The following APOC4 variants were observed in gnomAD, a reference collection of about 807,000 sequenced individuals.
APOC4 encodes apolipoprotein C4.
In APOC4, 10 loss-of-function variants were observed where a neutral mutation model predicts 8.4. The ratio of observed to expected loss-of-function variants is 1.19; its 90% CI spans 0.74 to 2.03. APOC4 has a LOEUF of 2.03. APOC4 is among the 30% of genes most tolerant of loss of function. The probability of loss-of-function intolerance (pLI) is 0.00; values close to 1 mark genes in which losing one functional copy is unlikely to be tolerated. For missense variants in APOC4, 160 were observed against 156.1 expected, an observed-to-expected ratio of 1.02 and a Z score of -0.13; for synonymous variants, 59 against 65.8, an observed-to-expected ratio of 0.90 and a Z score of 0.50.
chr19:44,944,930 G>T, intron 2 of APOC4, 40 bp downstream of exon 2: 1 of 1,575,410 alleles, frequency 6.3e-7, no homozygotes, highest in South Asian at 1.1e-5. Context: ...GGGGACTCCT[G>T]GGTCTGAGGG....
At position 44,944,812 on chromosome 19, in the gene APOC4, G is replaced by A; in HGVS notation, c.140G>A (p.Trp47Ter). 4.3e-6 allele frequency: 7 copies of A among 1,610,628 alleles called. No homozygotes were observed. The South Asian group carries it at 5.5e-5, about 13-fold the overall frequency. ...SPPPKLKMSR[W>*]SLVRGRMKEL... ...CCACCAAAGCTAAAGATGAGTCGCT[G>A]GAGCCTGGTGAGGGGCAGGATGAAG... Residue 47 changes from tryptophan (W) to a stop codon, truncating the protein, a stop_gained, in exon 2 of 3, where the codon TGG becomes TAG. Coordinates refer to ENST00000592954, the MANE Select transcript of APOC4 (RefSeq NM_001646.3). LOFTEE classifies it high-confidence loss of function.
At chr19:44,944,692 G>C in intron 1 of APOC4, 57 bp from the exon 2 acceptor site, 4 of 1,550,260 alleles carry the variant, frequency 2.6e-6, no homozygotes, top group Non-Finnish European at 3.5e-6. Flanking sequence ...TGGAGGGAAA[G>C]GGAGAAGGGG....
chr19:44,945,400 C>A lies in APOC4; in HGVS notation c.*95C>A. ...GGATGATGGCTTGAGCCCAGGAGTT[C>A]GAGACCAGCCTGGGCAACACAGCGA... On this transcript the variant is annotated 3_prime_UTR_variant, in exon 3 of 3. Coordinates refer to ENST00000592954, the MANE Select transcript of APOC4 (RefSeq NM_001646.3). The A allele has an allele frequency of 7.7e-7, 1 of 1,293,090 alleles. No individual in the cohort carries two copies. Among genetic ancestry groups the A allele is most frequent in the Non-Finnish European group, 1.1e-6 (1 of 942,570 alleles). The allele number at this position is 1,293,090 out of a possible 1,614,324, so 80.1% of individuals were successfully genotyped here.
Position 44,945,247 on chromosome 19 carries a change from TGAA to T in APOC4, c.332_334del (p.Lys111del), listed in dbSNP as rs1234971714. ...TTCCTCGAATCCAAAGACAGCCTCT[TGAA>T]GAAGACCCACAGCCTGTGCCCCAGG... On this transcript the variant is annotated inframe_deletion, in exon 3 of 3. Transcript: ENST00000592954. 5.6e-6 allele frequency: 9 copies of T among 1,613,978 alleles called. No homozygotes were observed. In the East Asian group the frequency reaches 1.6e-4, roughly 28 times the overall value.
rs200020330 is a variant in APOC4, at chr19:44,942,367, G to C, written c.76+14G>C. On this transcript the variant is annotated intron_variant, in intron 1 of 2. Coordinates refer to ENST00000592954, the MANE Select transcript of APOC4 (RefSeq NM_001646.3). ...CCTGCATTGGGGGTGAGAAGAAGTG[G>C]GTGGAGGGATGTGGGGCCCACACCT... 2 of 1,612,658 alleles carry C rather than the reference G, an allele frequency of 1.2e-6. No homozygotes were observed. Among genetic ancestry groups the C allele is most frequent in the South Asian group, 2.2e-5 (2 of 90,780 alleles).
At chr19:44,943,829 A>G (rs1368457915) in intron 1 of APOC4, among the ~76,000 whole-genome samples, 1 of 152,200 alleles carries the variant, frequency 6.6e-6, no homozygotes, top group Non-Finnish European at 1.5e-5. Context: ...CCTGAGGTAG[A>G]TATTATTACC....
Position 44,945,181 on chromosome 19 carries a change from A to C in APOC4, c.260A>C (p.Asp87Ala). ...CGGGGCTTCATGCAGACCTACTATGACGACCACCTGAGGGACCTGGGTCCG... is the reference window on the plus strand; with the variant it reads ...CGGGGCTTCATGCAGACCTACTATGCCGACCACCTGAGGGACCTGGGTCCG... ...TFRGFMQTYY[D>A]DHLRDLGPLT... The change falls in exon 3 of 3, where the codon GAC (aspartate) becomes GCC (alanine). Residue 87 changes from aspartate to alanine, a missense_variant. Transcript: ENST00000592954. The C allele has an allele frequency of 6.2e-7, 1 of 1,614,030 alleles. No homozygotes were observed. Among genetic ancestry groups the C allele is most frequent in the Non-Finnish European group, 8.5e-7 (1 of 1,179,992 alleles).
Position 44,942,320 on chromosome 19 carries a change from T to A in APOC4, c.43T>A (p.Cys15Ser). ...CAGGCTCCAGGCCCTGCCTGCCCTG[T>A]GCCTCTGCGTGCTGGTCCTGGCCTG... ...RNRLQALPAL[C>S]LCVLVLACIG... The change falls in exon 1 of 3, where the codon TGC becomes AGC. Residue 15 changes from cysteine to serine, a missense_variant. Physicochemically the swap from Cys to Ser is moderately radical, Grantham distance 112 (BLOSUM62 -1). Coordinates refer to ENST00000592954, the MANE Select transcript of APOC4 (RefSeq NM_001646.3). 6.2e-7 allele frequency: 1 copy of A among 1,613,752 alleles called. No homozygotes were observed.
intron 1 of APOC4, 57 bp downstream of exon 1, chr19:44,942,410 CTG>C: frequency 6.4e-7 from 1 of 1,551,038 alleles, no homozygotes; most frequent in Non-Finnish European, 8.8e-7. Flanking sequence ...GTGAGTGTGG[CTG>C]TGTGTCCTGT....
At position 44,942,398 on chromosome 19, in the gene APOC4, G is replaced by T. The variant is rs768801196; in HGVS notation, c.76+45G>T. 35 of 1,593,396 alleles carry T rather than the reference G, an allele frequency of 2.2e-5. No individual in the cohort carries two copies. In the Admixed American group the frequency reaches 5.3e-4, roughly 24 times the overall value. ...GGGATGTGGGGCCCACACCTGGTGG[G>T]TGTGAGTGTGGCTGTGTGTCCTGTG... On this transcript the variant is annotated intron_variant, in intron 1 of 2. Transcript: ENST00000592954.
intron 1 of APOC4, 37 bp from the exon 2 acceptor site, chr19:44,944,712 T>C: frequency 6.3e-7 from 1 of 1,588,366 alleles, no homozygotes; most frequent in Admixed American, 1.8e-5. Flanking sequence ...GATTCTAGGG[T>C]CCCAGCCTAC....
At position 44,944,048 on chromosome 19, in the gene APOC4, G is replaced by T. The variant is rs12721107; in HGVS notation, c.77-701G>T. Among the ~76,000 whole-genome samples, 1,090 of 152,302 alleles carry T rather than the reference G, an allele frequency of 7.2e-3. 17 individuals are homozygous for T. The highest frequency in any genetic ancestry group is 0.024 in the African/African-American group (1,008 of 41,574). ...CCCTGGGGGCAGAAAGTCACCTCCT[G>T]CTCTCCCTCCACTGTCCACAGAGGT... On this transcript the variant is annotated intron_variant, in intron 1 of 2. Coordinates refer to ENST00000592954, the MANE Select transcript of APOC4 (RefSeq NM_001646.3).
chr19:44,945,028 A>G, intron 2 of APOC4, 112 bp from the exon 3 acceptor site: 2 of 1,526,200 alleles, frequency 1.3e-6, no homozygotes, highest in Non-Finnish European at 1.8e-6. Context: ...GGAGGAGTGG[A>G]GGGTTAGAGC....
At chr19:44,942,607 G>C (rs1021677327) in intron 1 of APOC4, among the ~76,000 whole-genome samples, 2 of 119,652 alleles carry the variant, frequency 1.7e-5, no homozygotes, top group Non-Finnish European at 4.0e-5. Context: ...TGCAGTCGTG[G>C]TAAAAAAGTG....
At chr19:44,943,834 A>G (rs149379127) in intron 1 of APOC4, among the ~76,000 whole-genome samples, 1 of 152,354 alleles carries the variant, frequency 6.6e-6, no homozygotes, top group Admixed American at 6.5e-5. Context: ...GGTAGATATT[A>G]TTACCCCGTT....
At position 44,944,905 on chromosome 19, in the gene APOC4, G is replaced by C. The variant is rs1359549613; in HGVS notation, c.218+15G>C. 6.3e-7 allele frequency: 1 copy of C among 1,596,132 alleles called. No individual in the cohort carries two copies. Among genetic ancestry groups the C allele is most frequent in the Non-Finnish European group, 8.5e-7 (1 of 1,171,490 alleles). ...CAATGGTTCTGGTGAGGGTGTGCTG[G>C]GCTGGGTGGTGGGAGGGGACTCCTG... On this transcript the variant is annotated intron_variant, in intron 2 of 2. Coordinates refer to ENST00000592954, the MANE Select transcript of APOC4 (RefSeq NM_001646.3).
chr19:44,945,087 G>T (rs1455190905), intron 2 of APOC4, 53 bp from the exon 3 acceptor site: 4 of 1,585,118 alleles, frequency 2.5e-6, no homozygotes, highest in Non-Finnish European at 2.6e-6. Flanking sequence ...AAATGGGGCA[G>T]AGAACACCTG....
In APOC4 at chr19:44,942,850, T is replaced by C. The variant is rs1970274912; in HGVS notation, c.76+497T>C. Among the ~76,000 whole-genome samples the C allele has an allele frequency of 2.6e-5, 4 of 151,076 alleles. No homozygotes were observed. The South Asian group carries it at 8.4e-4, about 32-fold the overall frequency. On this transcript the variant is annotated intron_variant, in intron 1 of 2. Coordinates refer to ENST00000592954, the MANE Select transcript of APOC4 (RefSeq NM_001646.3). ...ATCTTGGCTCACTGCATCATCCGCC[T>C]ACCCGTTTCAAGGGATTCTCCTGCC...
At chr19:44,944,713 C>G in intron 1 of APOC4, 36 bp from the exon 2 acceptor site, 5 of 1,590,976 alleles carry the variant, frequency 3.1e-6, no homozygotes, top group Non-Finnish European at 4.3e-6. Context: ...ATTCTAGGGT[C>G]CCAGCCTACC....
Sources: gnomAD v4.1 joint callset for allele counts (sites outside exome capture counted in the v4.1 genomes callset) on GRCh38, gnomAD v4.1.1 for gene constraint, MANE v1.5 for transcripts, NCBI Gene and HGNC (gene_info 2026-07-23, HGNC 2026-07-21) for gene names.